Variants in KCNB2 observed in about 807,000 individuals in gnomAD.
KCNB2 encodes potassium voltage-gated channel subfamily B member 2.
A neutral mutation model predicts 61.5 loss-of-function variants in KCNB2; 15 were observed. The ratio of observed to expected loss-of-function variants is 0.24; its 90% CI spans 0.16 to 0.38. The LOEUF is 0.38. Ranked by LOEUF, KCNB2 falls within the 10% of genes least tolerant of loss-of-function variation. The probability of loss-of-function intolerance (pLI) is 1.00; values close to 1 mark genes in which losing one functional copy is unlikely to be tolerated. For synonymous variants in KCNB2, 457 were observed against 446.0 expected (o/e 1.02, Z -0.31); for missense variants, 828 against 1,125.2 (o/e 0.74, Z 3.78).
chr8:72,749,283 T>G (rs1161196842), intron 2 of KCNB2: 1 of 152,090 alleles, frequency 6.6e-6, no homozygotes, highest in African/African-American at 2.4e-5. Flanking sequence ...CATGCTCTGC[T>G]AATTTTTTTT....
chr8:72,742,322 T>C (rs1313219263), intron 2 of KCNB2, among the ~76,000 whole-genome samples: 2 of 152,230 alleles, frequency 1.3e-5, no homozygotes, highest in Admixed American at 1.3e-4. Context: ...TAAAAATTCG[T>C]GTAGTCTTTT....
chr8:72,750,605 T>A (rs1167536675), intron 2 of KCNB2: 1 of 152,168 alleles, frequency 6.6e-6, no homozygotes, highest in Non-Finnish European at 1.5e-5. Flanking sequence ...CTTTCAGGCC[T>A]TAGTAAGGTC....
chr8:72,829,937 G>C (rs1809663323), intron 2 of KCNB2, among the ~76,000 whole-genome samples: 1 of 150,224 alleles, frequency 6.7e-6, no homozygotes, highest in South Asian at 2.1e-4. Flanking sequence ...GAGGATAAAA[G>C]GGTAGTAAGA....
intron 2 of KCNB2, among the ~76,000 whole-genome samples, chr8:72,817,132 C>T (rs1268800673): frequency 6.6e-6 from 1 of 152,112 alleles, no homozygotes; most frequent in Non-Finnish European, 1.5e-5. Flanking sequence ...GCAACATTGT[C>T]CTTAGAAAAT....
intron 2 of KCNB2, among the ~76,000 whole-genome samples, chr8:72,647,569 A>G (rs973137735): frequency 6.6e-6 from 1 of 152,208 alleles, no homozygotes; most frequent in African/African-American, 2.4e-5. Flanking sequence ...CTGTACATTC[A>G]TTAAAGTGGT....
At chr8:72,664,697 G>A (rs1193238891) in intron 2 of KCNB2, among the ~76,000 whole-genome samples, 1 of 152,206 alleles carries the variant, frequency 6.6e-6, no homozygotes. Context: ...TACTAGGGAT[G>A]TAGCAGTAAG....
rs996024132 is a variant in KCNB2, at chr8:72,851,667, T to A, written c.580-84268T>A. ...GGTTCCACTGCTCTAAACTGTCCGA[T>A]GGCTCCATGTAAAGGAAGGGAAGAT... On this transcript the variant is annotated intron_variant, in intron 2 of 2. Coordinates refer to ENST00000523207, the MANE Select transcript of KCNB2 (RefSeq NM_004770.3). Among the ~76,000 whole-genome samples the A allele has an allele frequency of 3.9e-5, 6 of 152,122 alleles. No homozygotes were observed. In the East Asian group the frequency reaches 1.2e-3, roughly 29 times the overall value.
At chr8:72,551,227 G>T (rs1249677529) in intron 1 of KCNB2, among the ~76,000 whole-genome samples, 1 of 152,004 alleles carries the variant, frequency 6.6e-6, no homozygotes, top group East Asian at 1.9e-4. Flanking sequence ...TGTTGTTGTT[G>T]TTTGTTTATT....
At chr8:72,584,857 A>G (rs1260946755) in intron 2 of KCNB2, among the ~76,000 whole-genome samples, 1 of 150,444 alleles carries the variant, frequency 6.6e-6, no homozygotes, top group Non-Finnish European at 1.5e-5. Context: ...AAAGATAAAG[A>G]AAAAAAAAAT....
chr8:72,654,597 G>A (rs1806261736), intron 2 of KCNB2, among the ~76,000 whole-genome samples: 1 of 152,088 alleles, frequency 6.6e-6, no homozygotes. Flanking sequence ...AAAATGATAG[G>A]TACATGGGTT....
chr8:72,920,107 T>A (rs1396711717), intron 2 of KCNB2, among the ~76,000 whole-genome samples: 1 of 152,098 alleles, frequency 6.6e-6, no homozygotes, highest in Non-Finnish European at 1.5e-5. Flanking sequence ...TAAAATTAAT[T>A]ACTTAAGTTA....
At chr8:72,674,933 TA>T (rs539401494) in intron 2 of KCNB2, among the ~76,000 whole-genome samples, 4 of 151,914 alleles carry the variant, frequency 2.6e-5, no homozygotes, top group East Asian at 1.9e-4. Flanking sequence ...CGTGTAAAAA[TA>T]AAAAAAGGTA....
intron 2 of KCNB2, among the ~76,000 whole-genome samples, chr8:72,678,006 C>A (rs1806689820): frequency 6.6e-6 from 1 of 152,170 alleles, no homozygotes; most frequent in African/African-American, 2.4e-5. Context: ...GTGTGTCAAG[C>A]AACTCAAATT....
chr8:72,810,791 A>C (rs1033975353), intron 2 of KCNB2, among the ~76,000 whole-genome samples: 1 of 152,198 alleles, frequency 6.6e-6, no homozygotes, highest in Non-Finnish European at 1.5e-5. Flanking sequence ...GCATCAAGCA[A>C]TCTTGATGTT....
chr8:72,937,126 A>G lies in KCNB2; in HGVS notation c.1771A>G (p.Thr591Ala). 1.2e-6 allele frequency: 2 copies of G among 1,614,158 alleles called. No homozygotes were observed. The highest frequency in any genetic ancestry group is 1.1e-5 in the South Asian group (1 of 91,086). Reference protein sequence around the residue: ...CPQEQLAVAQTEVIVDMKSTS... With the variant: ...CPQEQLAVAQAEVIVDMKSTS... The stretch of plus-strand genomic sequence containing the variant: ...ACAGGAGCAGCTGGCCGTGGCACAG[A>G]CCGAGGTCATTGTGGACATGAAGAG... Residue 591 changes from threonine (T) to alanine (A), a missense_variant, in exon 3 of 3, where the codon ACC becomes GCC. Around this residue, in one of 4 missense-constraint regions of KCNB2, gnomAD observed 559 missense variants for 588.4 expected, o/e 0.95. Coordinates refer to ENST00000523207, the MANE Select transcript of KCNB2 (RefSeq NM_004770.3).
At chr8:72,806,670 T>C (rs1809229752) in intron 2 of KCNB2, among the ~76,000 whole-genome samples, 2 of 152,224 alleles carry the variant, frequency 1.3e-5, no homozygotes, top group African/African-American at 2.4e-5. Flanking sequence ...AAATCCTTAA[T>C]AGAAAACTGT....
intron 2 of KCNB2, among the ~76,000 whole-genome samples, chr8:72,680,862 G>A (rs1434940584): frequency 6.6e-6 from 1 of 152,130 alleles, no homozygotes; most frequent in African/African-American, 2.4e-5. Context: ...TAACTTCTCT[G>A]AGCTGCACCT....
At chr8:72,700,628 C>G (rs1333087005) in intron 2 of KCNB2, among the ~76,000 whole-genome samples, 2 of 152,118 alleles carry the variant, frequency 1.3e-5, no homozygotes, top group Non-Finnish European at 2.9e-5. Context: ...CACTTATACA[C>G]TGTTGGAGAG....
intron 2 of KCNB2, among the ~76,000 whole-genome samples, chr8:72,912,712 C>A (rs1380018251): frequency 6.6e-6 from 1 of 151,890 alleles, no homozygotes; most frequent in East Asian, 1.9e-4. Context: ...GAGTAAGTAG[C>A]TCAAAGAAGA....
Sources: allele counts gnomAD v4.1 joint callset (sites outside exome capture counted in the v4.1 genomes callset), GRCh38; gene constraint gnomAD v4.1.1; regional missense constraint gnomAD v4.1.1; transcripts MANE v1.5; gene names NCBI Gene and HGNC (gene_info 2026-07-23, HGNC 2026-07-21).